SLC17A1: variants seen among roughly 807,000 people sequenced by gnomAD.
SLC17A1 encodes sodium-dependent phosphate transport protein 1.
SLC17A1 carries 51 observed loss-of-function variants against 53.5 expected under a neutral mutation model. The observed-to-expected ratio is 0.95, with a 90% CI of 0.76 to 1.20. The LOEUF (loss-of-function observed/expected upper bound fraction) is 1.20. Ranked by LOEUF, SLC17A1 falls within the 50% of genes most tolerant of loss-of-function variation. The pLI is 0.00. For missense variants in SLC17A1, 538 were observed against 568.2 expected, an observed-to-expected ratio of 0.95 and a Z score of 0.54; for synonymous variants, 179 against 198.8, an observed-to-expected ratio of 0.90 and a Z score of 0.84.
intron 3 of SLC17A1, among the ~76,000 whole-genome samples, chr6:25,821,522 C>A (rs1222072139): frequency 6.6e-6 from 1 of 152,160 alleles, no homozygotes; most frequent in African/African-American, 2.4e-5. Context: ...ACAGGAAGCA[C>A]CAAGGAAGTC....
the SLC17A1 span, chr6:25,773,690 G>A: frequency 6.2e-7 from 1 of 1,609,194 alleles, no homozygotes; most frequent in Non-Finnish European, 8.5e-7. Context: ...TACAGAGAAA[G>A]CTCATTCTGA....
the SLC17A1 span, among the ~76,000 whole-genome samples, chr6:25,758,231 T>C: frequency 2.6e-5 from 4 of 152,182 alleles, no homozygotes; most frequent in African/African-American, 7.2e-5. Context: ...GCAGCTCCTA[T>C]AATTTGACTT....
At chr6:25,830,420 T>A (rs1480535052) in intron 2 of SLC17A1, 104 bp downstream of exon 2, 11 of 856,366 alleles carry the variant, frequency 1.3e-5, no homozygotes, top group Non-Finnish European at 2.0e-5. Flanking sequence ...TGAACATTTT[T>A]AAGACCCCAT....
chr6:25,806,025 T>A (rs1303445387), intron 10 of SLC17A1, among the ~76,000 whole-genome samples: 1 of 152,142 alleles, frequency 6.6e-6, no homozygotes, highest in Non-Finnish European at 1.5e-5. Flanking sequence ...TAACTCATTC[T>A]ATGAAGCCAG....
chr6:25,726,100 A>ATT, the SLC17A1 span: 1 of 1,295,512 alleles, frequency 7.7e-7, no homozygotes, highest in South Asian at 1.7e-5. Flanking sequence ...TTTTTCTGAC[A>ATT]CAGAAGTCTT....
the SLC17A1 span, among the ~76,000 whole-genome samples, chr6:25,753,568 A>G: frequency 6.6e-6 from 1 of 152,200 alleles, no homozygotes; most frequent in Non-Finnish European, 1.5e-5. Flanking sequence ...GAAAATAAAA[A>G]ATAATGGAAA....
intron 2 of SLC17A1, among the ~76,000 whole-genome samples, chr6:25,830,085 C>T (rs903969828): frequency 2.6e-5 from 4 of 152,100 alleles, no homozygotes; most frequent in African/African-American, 9.7e-5. Context: ...TAGCAGTAAT[C>T]CTTTATTGTC....
the SLC17A1 span, among the ~76,000 whole-genome samples, chr6:25,741,436 A>C: frequency 0.25 from 35,507 of 140,446 alleles, 6,100 homozygotes; most frequent in East Asian, 0.7. Flanking sequence ...AAAAAAAAAA[A>C]GGGCGCAGCG....
intron 6 of SLC17A1, among the ~76,000 whole-genome samples, chr6:25,813,599 G>C (rs938281881): frequency 2.0e-5 from 3 of 152,108 alleles, no homozygotes; most frequent in Admixed American, 1.3e-4. Context: ...TTAAGTTCAG[G>C]GATACAAGTG....
chr6:25,764,889 A>G, the SLC17A1 span, among the ~76,000 whole-genome samples: 2 of 152,220 alleles, frequency 1.3e-5, no homozygotes, highest in Admixed American at 1.3e-4. Context: ...GGAAATTTGG[A>G]AGGCTTTCTC....
intron 12 of SLC17A1, among the ~76,000 whole-genome samples, chr6:25,784,470 G>A (rs1288111708): frequency 1.3e-5 from 2 of 152,076 alleles, no homozygotes; most frequent in Non-Finnish European, 2.9e-5. Context: ...TGAGAGCAGG[G>A]GCAATAGAGA....
the SLC17A1 span, among the ~76,000 whole-genome samples, chr6:25,741,387 T>C: frequency 3.2e-5 from 4 of 123,654 alleles, no homozygotes; most frequent in African/African-American, 1.3e-4. Flanking sequence ...CTGGCCAACA[T>C]GGCAAAACCC....
Position 25,823,975 on chromosome 6 carries a change from C to A in SLC17A1, c.207+2486G>T, listed in dbSNP as rs1013753563. Among the ~76,000 whole-genome samples the A allele has an allele frequency of 2.0e-5, 3 of 151,854 alleles. No homozygotes were observed. In the East Asian group the frequency reaches 5.8e-4, roughly 29 times the overall value. Reference sequence around the variant, plus strand: ...CCTCCAACTACTAATTTTCCATGAACATTCAGAGGCAATTCAGTGGAGAAA... The same window carrying A: ...CCTCCAACTACTAATTTTCCATGAAAATTCAGAGGCAATTCAGTGGAGAAA... On this transcript the variant is annotated intron_variant, in intron 3 of 12. Transcript: ENST00000244527.
the SLC17A1 span, among the ~76,000 whole-genome samples, chr6:25,771,393 G>A: frequency 6.6e-6 from 1 of 151,960 alleles, no homozygotes; most frequent in Non-Finnish European, 1.5e-5. Flanking sequence ...GGCCAACATG[G>A]TTAAACCCCG....
the SLC17A1 span, among the ~76,000 whole-genome samples, chr6:25,752,230 T>C: frequency 2.6e-3 from 399 of 152,296 alleles, 13 homozygotes; most frequent in East Asian, 0.074. Flanking sequence ...TACACCTAGG[T>C]TATGTGGTCT....
chr6:25,726,989 A>G, the SLC17A1 span: 35 of 1,614,118 alleles, frequency 2.2e-5, no homozygotes, highest in Non-Finnish European at 3.0e-5. Flanking sequence ...AGAAAAAGGA[A>G]GGCAAAAAGC....
chr6:25,726,022 A>T, the SLC17A1 span: 1 of 957,322 alleles, frequency 1.0e-6, no homozygotes, highest in Non-Finnish European at 1.5e-6. Flanking sequence ...GCTGGTTAAC[A>T]GCAGTAACGT....
chr6:25,726,773 T>G, the SLC17A1 span: 1 of 1,196,614 alleles, frequency 8.4e-7, no homozygotes, highest in Non-Finnish European at 1.2e-6. Flanking sequence ...CATCCTCCAG[T>G]TCTGTTTGTT....
chr6:25,796,296 C>T (rs1763600838), intron 12 of SLC17A1, among the ~76,000 whole-genome samples: 1 of 152,104 alleles, frequency 6.6e-6, no homozygotes, highest in South Asian at 2.1e-4. Context: ...AATTCCATAT[C>T]CAGATTTTTG....
Sources: allele counts gnomAD v4.1 joint callset (sites outside exome capture counted in the v4.1 genomes callset), GRCh38; gene constraint gnomAD v4.1.1; transcripts MANE v1.5; gene names NCBI Gene and HGNC (gene_info 2026-07-23, HGNC 2026-07-21).